TNFRSF10B: variants seen among roughly 807,000 people sequenced by gnomAD.
TNFRSF10B encodes tumor necrosis factor receptor superfamily member 10B.
Under a neutral mutation model 41.4 loss-of-function variants are expected in TNFRSF10B, and 35 were observed. The observed-to-expected ratio is 0.85, with a 90% confidence interval of 0.65 to 1.12. The LOEUF (loss-of-function observed/expected upper bound fraction) is 1.12. Among genes scored for constraint, TNFRSF10B ranks in the 50% most tolerant of loss-of-function variants. The pLI is 0.00. For synonymous variants in TNFRSF10B, 230 were observed against 215.5 expected, an observed-to-expected ratio of 1.07 and a Z score of -0.59; for missense variants, 584 against 552.7, an observed-to-expected ratio of 1.06 and a Z score of -0.57.
chr8:23,042,225 T>C (rs1812222668), intron 2 of TNFRSF10B, among the ~76,000 whole-genome samples: 1 of 152,240 alleles, frequency 6.6e-6, no homozygotes, highest in South Asian at 2.1e-4. Flanking sequence ...TCCTTCTCCA[T>C]GCTCTGCTCC....
At chr8:23,055,527 A>AAC (rs2128819407) in intron 1 of TNFRSF10B, among the ~76,000 whole-genome samples, 1 of 151,754 alleles carries the variant, frequency 6.6e-6, no homozygotes, top group African/African-American at 2.4e-5. Context: ...TGCTTAAAAA[A>AAC]AAAAAAAAAA....
At chr8:23,042,199 C>T (rs1003547350) in intron 2 of TNFRSF10B, among the ~76,000 whole-genome samples, 1 of 152,240 alleles carries the variant, frequency 6.6e-6, no homozygotes. Context: ...TTTGTGTCTG[C>T]TTCACGCTGG....
In TNFRSF10B at chr8:23,021,424, AT is replaced by A. The variant is rs1199560320; in HGVS notation, c.*1246del. ...CCTGAGATGGCAACCATTTCACACC[AT>A]TCTCAAGCACCATCTACTCTTCCCC... On this transcript the variant is annotated 3_prime_UTR_variant, in exon 9 of 9. Transcript: ENST00000276431. 6 of 454,010 alleles carry A rather than the reference AT, an allele frequency of 1.3e-5. No homozygotes were observed. In the East Asian group the frequency reaches 2.8e-4, roughly 21 times the overall value. 28.1% of individuals were successfully genotyped at this position (454,010 alleles called of 1,614,324 possible).
intron 1 of TNFRSF10B, among the ~76,000 whole-genome samples, chr8:23,045,540 T>G (rs1482544250): frequency 3.3e-5 from 5 of 152,176 alleles, no homozygotes; most frequent in Admixed American, 6.5e-5. Flanking sequence ...CTTTCTAAAC[T>G]TTCCCAAATA....
At chr8:23,037,036 G>C (rs894576938) in intron 2 of TNFRSF10B, among the ~76,000 whole-genome samples, 1 of 152,190 alleles carries the variant, frequency 6.6e-6, no homozygotes, top group Non-Finnish European at 1.5e-5. Context: ...TGTGTGGATA[G>C]ACCTTTCTCA....
rs755009615 is a variant in TNFRSF10B, at chr8:23,068,955, C to T, written c.-61G>A. ...GTGGGTTTCAGCCCTTAAAGTAGAT[C>T]GGGCATCGTCGGTGTATTTTGTGGG... On this transcript the variant is annotated 5_prime_UTR_variant, in exon 1 of 9. Coordinates refer to ENST00000276431, the MANE Select transcript of TNFRSF10B (RefSeq NM_003842.5). 6 of 1,611,780 alleles carry T rather than the reference C, an allele frequency of 3.7e-6. No homozygotes were observed. The Admixed American group carries it at 1.0e-4, about 27-fold the overall frequency.
In TNFRSF10B at chr8:23,021,087, C is replaced by T. The variant is rs1475725197; in HGVS notation, c.*1584G>A. On this transcript the variant is annotated 3_prime_UTR_variant, in exon 9 of 9. Coordinates refer to ENST00000276431, the MANE Select transcript of TNFRSF10B (RefSeq NM_003842.5). ...CACAATGCCTTGAGACAGAAAAGAC[C>T]AAAAACTCCTGGAATGACTACCTGC... 2.2e-6 allele frequency: 1 copy of T among 454,084 alleles called. No individual in the cohort carries two copies. Among genetic ancestry groups the T allele is most frequent in the African/African-American group, 2.0e-5 (1 of 50,112 alleles). 28.1% of individuals were successfully genotyped at this position (454,084 alleles called of 1,614,324 possible). A position where few individuals can be genotyped will look rare whatever the true frequency, so the allele number is the denominator to read the frequency against.
rs554037180 is a variant in TNFRSF10B at position 23,040,326 on chromosome 8, C to G, written c.250+2812G>C. ...AATATATATTTAATAAATATATATA[C>G]AAAATATATATTTATTAAATATATA... On this transcript the variant is annotated intron_variant, in intron 2 of 8. Coordinates refer to ENST00000276431, the MANE Select transcript of TNFRSF10B (RefSeq NM_003842.5). Among the ~76,000 whole-genome samples, 220 of 53,762 alleles carry G rather than the reference C, an allele frequency of 4.1e-3. 32 individuals are homozygous for G. Among genetic ancestry groups the G allele is most frequent in the African/African-American group, 9.4e-3 (194 of 20,624 alleles). The allele number at this position is 53,762 out of a possible 152,430, so 35.3% of individuals were successfully genotyped here. A position where few individuals can be genotyped will look rare whatever the true frequency, so the allele number is the denominator to read the frequency against.
intron 2 of TNFRSF10B, 144 bp downstream of exon 2, chr8:23,042,994 G>C (rs548819477): frequency 5.1e-5 from 35 of 681,670 alleles, no homozygotes; most frequent in Non-Finnish European, 8.1e-5. Flanking sequence ...TAGCAGGAAG[G>C]CTCCAGAAGG....
At chr8:23,051,743 T>C (rs1237353812) in intron 1 of TNFRSF10B, among the ~76,000 whole-genome samples, 1 of 151,954 alleles carries the variant, frequency 6.6e-6, no homozygotes, top group African/African-American at 2.4e-5. Flanking sequence ...TGGGGTTTCA[T>C]CATGTTAGCC....
At chr8:23,039,202 C>T (rs1179930083) in intron 2 of TNFRSF10B, among the ~76,000 whole-genome samples, 1 of 152,020 alleles carries the variant, frequency 6.6e-6, no homozygotes, top group Non-Finnish European at 1.5e-5. Flanking sequence ...GCATGCAGAG[C>T]TCGGGCAGTA....
At chr8:23,058,632 T>G (rs1236439673) in intron 1 of TNFRSF10B, among the ~76,000 whole-genome samples, 4 of 152,034 alleles carry the variant, frequency 2.6e-5, no homozygotes, top group Non-Finnish European at 5.9e-5. Flanking sequence ...ACTACAGGCA[T>G]GCATCACAAT....
chr8:23,030,648 A>G (rs1408201908), intron 3 of TNFRSF10B, 111 bp downstream of exon 3: 8 of 790,612 alleles, frequency 1.0e-5, no homozygotes, highest in Middle Eastern at 2.7e-4. Context: ...ACATGGTATG[A>G]TGAAGACCAA....
At chr8:23,050,757 T>G (rs571290834) in intron 1 of TNFRSF10B, among the ~76,000 whole-genome samples, 2 of 152,110 alleles carry the variant, frequency 1.3e-5, no homozygotes, top group Non-Finnish European at 2.9e-5. Context: ...CAGGATTCAG[T>G]ATGGGCTCCA....
chr8:23,025,550 G>A (rs1172936384), intron 7 of TNFRSF10B, among the ~76,000 whole-genome samples: 10 of 152,082 alleles, frequency 6.6e-5, no homozygotes, highest in Admixed American at 5.9e-4. Flanking sequence ...AGTTTTGTTT[G>A]GTGTTGTACA....
intron 1 of TNFRSF10B, among the ~76,000 whole-genome samples, chr8:23,050,720 C>T (rs1223735597): frequency 6.6e-6 from 1 of 152,178 alleles, no homozygotes; most frequent in Non-Finnish European, 1.5e-5. Flanking sequence ...GGTCTAGCCT[C>T]ATAATAATTC....
intron 1 of TNFRSF10B, among the ~76,000 whole-genome samples, chr8:23,067,229 C>G (rs1245182317): frequency 6.6e-6 from 1 of 151,950 alleles, no homozygotes; most frequent in South Asian, 2.1e-4. Flanking sequence ...CTGCCCGCCT[C>G]GGCCTCCCAA....
rs529343837 is a variant in TNFRSF10B, at chr8:23,020,672, A to G, written c.*1999T>C. ...GTACCGTTGCACTCCAGCCTGGGCG[A>G]GAGAGTGAGATTCTGTCTCAAAAAA... On this transcript the variant is annotated 3_prime_UTR_variant, in exon 9 of 9. Transcript: ENST00000276431. The G allele has an allele frequency of 1.3e-5, 6 of 453,926 alleles. No homozygotes were observed. The highest frequency in any genetic ancestry group is 2.2e-5 in the Non-Finnish European group (5 of 226,806). 28.1% of individuals were successfully genotyped at this position (453,926 alleles called of 1,614,324 possible). A position where few individuals can be genotyped will look rare whatever the true frequency, so the allele number is the denominator to read the frequency against.
chr8:23,023,381 G>A (rs557492519), intron 8 of TNFRSF10B, among the ~76,000 whole-genome samples: 7 of 152,160 alleles, frequency 4.6e-5, no homozygotes, highest in Non-Finnish European at 7.4e-5. Flanking sequence ...GTCCCAGGGC[G>A]GCCACTTCTG....
Sources: gnomAD v4.1 joint callset for allele counts (sites outside exome capture counted in the v4.1 genomes callset) on GRCh38, gnomAD v4.1.1 for gene constraint, MANE v1.5 for transcripts, NCBI Gene and HGNC (gene_info 2026-07-23, HGNC 2026-07-21) for gene names.